GLIS3: variants seen among roughly 807,000 people sequenced by gnomAD.
The protein encoded by GLIS3 is zinc finger protein GLIS3.
GLIS3 carries 53 observed loss-of-function variants against 78.6 expected under a neutral mutation model. That is an observed-to-expected ratio of 0.67 (90% CI 0.54 to 0.85). The LOEUF (loss-of-function observed/expected upper bound fraction) is 0.85, where lower values mean the gene tolerates loss of function less well. Ranked by LOEUF, GLIS3 falls within the 40% of genes least tolerant of loss-of-function variation. GLIS3 has a pLI of 0.00. For missense variants in GLIS3, 1,703 were observed against 1,231.1 expected (o/e 1.38, Z -5.74); for synonymous variants, 684 against 509.9 (o/e 1.34, Z -4.60).
At chr9:4,212,652 G>A (rs1172153545) in intron 2 of GLIS3, among the ~76,000 whole-genome samples, 1 of 152,126 alleles carries the variant, frequency 6.6e-6, no homozygotes, top group Non-Finnish European at 1.5e-5. Context: ...GGCAACTATG[G>A]AAACAAGGAT....
chr9:3,867,784 CAT>C (rs762822743), intron 8 of GLIS3, among the ~76,000 whole-genome samples: 51 of 151,760 alleles, frequency 3.4e-4, no homozygotes, highest in Non-Finnish European at 7.2e-4. Context: ...TGTGCATGCA[CAT>C]GTGTTGGGTA....
chr9:4,047,669 A>G (rs1825364550), intron 4 of GLIS3, among the ~76,000 whole-genome samples: 1 of 152,114 alleles, frequency 6.6e-6, no homozygotes, highest in Admixed American at 6.6e-5. Context: ...GGAAAGAAAA[A>G]ACTGTAATAT....
At chr9:3,888,289 T>G (rs148227934) in intron 7 of GLIS3, among the ~76,000 whole-genome samples, 295 of 152,298 alleles carry the variant, frequency 1.9e-3, no homozygotes, top group African/African-American at 4.1e-3. Flanking sequence ...TACTCATGCC[T>G]CAACTATCTC....
Position 4,150,732 on chromosome 9 carries a change from A to G in GLIS3, c.389-24791T>C, listed in dbSNP as rs557976107. On this transcript the variant is annotated intron_variant, in intron 2 of 10. Transcript: ENST00000381971. The stretch of plus-strand genomic sequence containing the variant: ...TTTAGATGCCAAGAAGGAAGATTAG[A>G]AATCATGTGTCCAACCTCCTTATTT... 4.7e-4 allele frequency among the ~76,000 whole-genome samples: 72 copies of G among 152,306 alleles called. 1 individual carries two copies. Among genetic ancestry groups the G allele is most frequent in the African/African-American group, 1.6e-3 (67 of 41,572 alleles).
upstream of GLIS3, among the ~76,000 whole-genome samples, chr9:4,300,793 G>A (rs186300414): frequency 2.5e-4 from 38 of 151,976 alleles, no homozygotes; most frequent in Admixed American, 6.5e-4. Flanking sequence ...GCTCCTAGTA[G>A]TTCATCACAT....
At chr9:4,485,330 T>G in the GLIS3 span, among the ~76,000 whole-genome samples, 2 of 152,100 alleles carry the variant, frequency 1.3e-5, no homozygotes. Context: ...GTTGGTCTTC[T>G]GAGATGTTTT....
At chr9:4,486,271 G>C in the GLIS3 span, among the ~76,000 whole-genome samples, 1 of 152,122 alleles carries the variant, frequency 6.6e-6, no homozygotes, top group Non-Finnish European at 1.5e-5. Flanking sequence ...CTCCCACAAA[G>C]AAGTGGAAGT....
chr9:4,115,293 T>A (rs1831550104), intron 4 of GLIS3, among the ~76,000 whole-genome samples: 2 of 152,202 alleles, frequency 1.3e-5, no homozygotes, highest in African/African-American at 4.8e-5. Context: ...AGACTGCTCC[T>A]AGCCCTGCAG....
chr9:4,379,419 A>G, the GLIS3 span, among the ~76,000 whole-genome samples: 1 of 152,278 alleles, frequency 6.6e-6, no homozygotes, highest in Non-Finnish European at 1.5e-5. Flanking sequence ...CATATTGCAA[A>G]GCTGACTCTA....
At chr9:4,311,550 C>A (rs1464133730) in intron 2 of GLIS3, among the ~76,000 whole-genome samples, 1 of 152,198 alleles carries the variant, frequency 6.6e-6, no homozygotes, top group Non-Finnish European at 1.5e-5. Flanking sequence ...CTGCAACTGT[C>A]AGGGCCCACT....
At chr9:4,301,153 C>CATGG (rs1268102579), upstream of GLIS3, among the ~76,000 whole-genome samples, 5,575 of 152,288 alleles carry the variant, frequency 0.037, 329 homozygotes, top group African/African-American at 0.13. Context: ...ATGATATTAA[C>CATGG]ATAACCAAAA....
At chr9:3,898,907 A>G (rs911849390) in intron 6 of GLIS3, 72 bp from the exon 7 acceptor site, 22 of 1,603,996 alleles carry the variant, frequency 1.4e-5, no homozygotes, top group Non-Finnish European at 1.4e-5. Context: ...GGAAGGCATC[A>G]TGCTCTATCA....
intron 1 of GLIS3, among the ~76,000 whole-genome samples, chr9:4,287,766 C>T (rs927273982): frequency 6.6e-6 from 1 of 152,210 alleles, no homozygotes; most frequent in Non-Finnish European, 1.5e-5. Context: ...CAAGGAGAAA[C>T]ACTTTTTGTG....
intron 2 of GLIS3, among the ~76,000 whole-genome samples, chr9:4,246,203 AC>A: frequency 6.6e-6 from 1 of 152,248 alleles, no homozygotes; most frequent in East Asian, 1.9e-4. Flanking sequence ...TACCACAAAT[AC>A]AAAAATTATC....
intron 6 of GLIS3, among the ~76,000 whole-genome samples, chr9:3,902,789 T>C (rs376069697): frequency 1.8e-4 from 28 of 152,210 alleles, no homozygotes; most frequent in African/African-American, 6.8e-4. Flanking sequence ...AAAGAGGAAA[T>C]GAACTGTGGA....
intron 2 of GLIS3, among the ~76,000 whole-genome samples, chr9:4,186,680 T>G (rs1166912264): frequency 1.2e-4 from 18 of 151,926 alleles, no homozygotes; most frequent in Non-Finnish European, 2.4e-4. Context: ...GACTTTTTAA[T>G]GATTGCCATT....
intron 2 of GLIS3, among the ~76,000 whole-genome samples, chr9:4,335,231 G>C (rs1817741146): frequency 1.3e-5 from 2 of 152,040 alleles, no homozygotes; most frequent in South Asian, 4.2e-4. Context: ...TTTTTACTGA[G>C]CATCTTAGTG....
chr9:4,458,678 C>T, the GLIS3 span, among the ~76,000 whole-genome samples: 2 of 152,050 alleles, frequency 1.3e-5, no homozygotes, highest in Admixed American at 1.3e-4. Flanking sequence ...GTCCCAGCTA[C>T]TCGGGACTAC....
the GLIS3 span, among the ~76,000 whole-genome samples, chr9:4,409,894 T>G: frequency 3.2e-3 from 495 of 152,322 alleles, 2 homozygotes; most frequent in African/African-American, 0.011. Context: ...CAAATGCCTA[T>G]AAGTTATTTT....
Sources: gnomAD v4.1 joint callset for allele counts (sites outside exome capture counted in the v4.1 genomes callset) on GRCh38, gnomAD v4.1.1 for gene constraint, MANE v1.5 for transcripts, NCBI Gene and HGNC (gene_info 2026-07-23, HGNC 2026-07-21) for gene names.